Variants in NBEA observed in about 807,000 individuals in gnomAD.
NBEA encodes the protein lysosomal-trafficking regulator 2.
A neutral mutation model predicts 343.4 loss-of-function variants in NBEA; 44 were observed. The ratio of observed to expected loss-of-function variants is 0.13; its 90% CI spans 0.10 to 0.16. The LOEUF is 0.16. Among genes scored for constraint, NBEA ranks in the 10% least tolerant of loss-of-function variants. The probability of loss-of-function intolerance (pLI) is 1.00; values close to 1 mark genes in which losing one functional copy is unlikely to be tolerated. For synonymous variants in NBEA, 1,175 were observed against 1,238.7 expected (o/e 0.95, Z 1.08); for missense variants, 2,555 against 3,631.3 (o/e 0.70, Z 7.62).
chr13:35,630,203 T>G (rs2083392174), intron 49 of NBEA, among the ~76,000 whole-genome samples: 1 of 152,154 alleles, frequency 6.6e-6, no homozygotes, highest in Admixed American at 6.6e-5. Flanking sequence ...CTGAAAGAAT[T>G]TGAAAATGAA....
intron 35 of NBEA, among the ~76,000 whole-genome samples, chr13:35,308,006 A>G (rs527430342): frequency 4.6e-5 from 7 of 152,148 alleles, no homozygotes; most frequent in South Asian, 2.1e-4. Flanking sequence ...ACTATCCCCA[A>G]GTTACCATAT....
intron 46 of NBEA, among the ~76,000 whole-genome samples, chr13:35,591,958 A>G (rs1011573902): frequency 2.0e-5 from 3 of 152,100 alleles, no homozygotes; most frequent in African/African-American, 7.2e-5. Flanking sequence ...AAGCAGGGAA[A>G]GGGAAATATG....
chr13:35,269,099 G>T (rs537227869), intron 34 of NBEA, among the ~76,000 whole-genome samples: 146 of 152,204 alleles, frequency 9.6e-4, no homozygotes, highest in Non-Finnish European at 1.9e-3. Context: ...ACAAGAAATG[G>T]TTTCTGTGTG....
At chr13:35,428,245 C>T (rs1024215759) in intron 38 of NBEA, among the ~76,000 whole-genome samples, 10 of 152,092 alleles carry the variant, frequency 6.6e-5, no homozygotes, top group African/African-American at 1.4e-4. Flanking sequence ...AGCTGTAGAC[C>T]GGAGCTGTTC....
intron 33 of NBEA, among the ~76,000 whole-genome samples, chr13:35,230,837 A>G (rs1420838784): frequency 1.3e-5 from 2 of 152,024 alleles, no homozygotes; most frequent in African/African-American, 2.4e-5. Context: ...AACACCACTG[A>G]CTGAGAATTT....
intron 45 of NBEA, among the ~76,000 whole-genome samples, chr13:35,583,442 G>A (rs1044122707): frequency 6.6e-6 from 1 of 152,116 alleles, no homozygotes; most frequent in Non-Finnish European, 1.5e-5. Context: ...TCCATATGGA[G>A]GGTTGTCTTT....
At chr13:35,055,304 A>G (rs1302426254) in intron 6 of NBEA, among the ~76,000 whole-genome samples, 1 of 152,138 alleles carries the variant, frequency 6.6e-6, no homozygotes, top group African/African-American at 2.4e-5. Context: ...CAAACCATCC[A>G]TATTAAAATA....
At chr13:35,463,555 G>T (rs757164571) in intron 40 of NBEA, among the ~76,000 whole-genome samples, 1 of 152,098 alleles carries the variant, frequency 6.6e-6, no homozygotes, top group Non-Finnish European at 1.5e-5. Flanking sequence ...AGACTGGGAG[G>T]CAGAGGTTAC....
chr13:35,528,368 C>T (rs1168416460), intron 41 of NBEA, among the ~76,000 whole-genome samples: 5 of 152,110 alleles, frequency 3.3e-5, no homozygotes, highest in Non-Finnish European at 7.4e-5. Context: ...AGAAAGATTG[C>T]TCATTGAAAA....
chr13:35,155,208 A>G (rs748375003), intron 18 of NBEA, among the ~76,000 whole-genome samples: 1 of 151,840 alleles, frequency 6.6e-6, no homozygotes, highest in Non-Finnish European at 1.5e-5. Context: ...CAAACAATAA[A>G]TTCATTAATT....
Position 35,264,645 on chromosome 13 carries a change from A to C in NBEA, c.5777-25744A>C, listed in dbSNP as rs555091709. ...TCACAATAACAGATTGAAAGACAAA[A>C]ACCATATGATCATTTGAATAGATGA... On this transcript the variant is annotated intron_variant, in intron 34 of 58. Transcript: ENST00000379939. Among the ~76,000 whole-genome samples, 2 of 152,078 alleles carry C rather than the reference A, an allele frequency of 1.3e-5. 1 individual carries two copies. Among genetic ancestry groups the C allele is most frequent in the South Asian group, 4.1e-4 (2 of 4,820 alleles).
At position 35,305,410 on chromosome 13, in the gene NBEA, G is replaced by T. The variant is rs139791417; in HGVS notation, c.5839-4118G>T. On this transcript the variant is annotated intron_variant, in intron 35 of 58. Transcript: ENST00000379939. ...CTCTTTTTAAAGTTCTTTTCTTATA[G>T]TATGTTTAGGGTTTGTCACAAGTTC... Among the ~76,000 whole-genome samples the T allele has an allele frequency of 4.1e-3, 625 of 152,120 alleles. 4 individuals carry two copies. Among genetic ancestry groups the T allele is most frequent in the African/African-American group, 0.015 (604 of 41,516 alleles).
Position 35,070,787 on chromosome 13 carries a change from T to G in NBEA, c.1506T>G (p.Leu502=), listed in dbSNP as rs1356857622. Residue 502 remains leucine, a synonymous_variant, in exon 10 of 59, where the codon CTT becomes CTG. Transcript: ENST00000379939. ...ATTCAATTGGAGGGATTCAAGTGCT[T>G]TTTCCACTTTTTGCCCAATTGGATA... ...AIHSIGGIQV[L]FPLFAQLDNR... is the part of the protein sequence containing the mutation. The G allele has an allele frequency of 7.5e-6, 12 of 1,610,334 alleles. No individual in the cohort carries two copies. Among genetic ancestry groups the G allele is most frequent in the Non-Finnish European group, 1.0e-5 (12 of 1,178,798 alleles).
intron 41 of NBEA, among the ~76,000 whole-genome samples, chr13:35,530,520 C>T (rs1207808638): frequency 1.3e-5 from 2 of 152,184 alleles, no homozygotes; most frequent in African/African-American, 4.8e-5. Context: ...AAACCAGGGC[C>T]TTGTTTTGAC....
At chr13:35,390,558 G>A (rs746793759) in intron 38 of NBEA, among the ~76,000 whole-genome samples, 12 of 152,130 alleles carry the variant, frequency 7.9e-5, no homozygotes, top group Non-Finnish European at 7.4e-5. Context: ...TCAGGGCTAG[G>A]TAGAAGACTC....
At chr13:35,306,905 C>A (rs184411785) in intron 35 of NBEA, among the ~76,000 whole-genome samples, 89 of 152,118 alleles carry the variant, frequency 5.9e-4, no homozygotes, top group African/African-American at 2.1e-3. Flanking sequence ...TTTGTTTATA[C>A]TTCTTAGGAG....
intron 40 of NBEA, among the ~76,000 whole-genome samples, chr13:35,460,354 A>G (rs1407687378): frequency 6.6e-6 from 1 of 152,224 alleles, no homozygotes; most frequent in Non-Finnish European, 1.5e-5. Flanking sequence ...TTTGCCAGTC[A>G]TAAATAGTAT....
At chr13:35,640,849 TAC>T (rs2083911245) in intron 49 of NBEA, among the ~76,000 whole-genome samples, 1 of 152,188 alleles carries the variant, frequency 6.6e-6, no homozygotes, top group South Asian at 2.1e-4. Flanking sequence ...CATTTATCTT[TAC>T]TTCTCTGCCT....
At chr13:35,218,467 C>T (rs1250453256) in intron 33 of NBEA, among the ~76,000 whole-genome samples, 2 of 151,832 alleles carry the variant, frequency 1.3e-5, no homozygotes, top group Non-Finnish European at 2.9e-5. Context: ...GTTTTTTCTC[C>T]CATTAAAATC....
Sources: allele counts gnomAD v4.1 joint callset (sites outside exome capture counted in the v4.1 genomes callset), GRCh38; gene constraint gnomAD v4.1.1; transcripts MANE v1.5; gene names NCBI Gene and HGNC (gene_info 2026-07-23, HGNC 2026-07-21).